The following SLC20A2 variants were observed in gnomAD, a reference collection of about 807,000 sequenced individuals.
SLC20A2 encodes sodium-dependent phosphate transporter 2.
A neutral mutation model predicts 61.0 loss-of-function variants in SLC20A2; 30 were observed. The ratio of observed to expected loss-of-function variants is 0.49; its 90% CI spans 0.37 to 0.67. The LOEUF (loss-of-function observed/expected upper bound fraction) is 0.67, where lower values mean the gene tolerates loss of function less well. Ranked by LOEUF, SLC20A2 falls within the 30% of genes least tolerant of loss-of-function variation. The probability of loss-of-function intolerance (pLI) is 0.00; values close to 1 mark genes in which losing one functional copy is unlikely to be tolerated. For synonymous variants in SLC20A2, 351 were observed against 353.3 expected (o/e 0.99, Z 0.07); for missense variants, 626 against 866.4 (o/e 0.72, Z 3.48).
chr8:42,440,062 G>T (rs1463039316), intron 6 of SLC20A2, among the ~76,000 whole-genome samples: 1 of 151,512 alleles, frequency 6.6e-6, no homozygotes, highest in Non-Finnish European at 1.5e-5. Flanking sequence ...TCCAGCCTGG[G>T]TGACAGAGTG....
At chr8:42,532,292 G>C (rs535252015) in intron 1 of SLC20A2, among the ~76,000 whole-genome samples, 27 of 152,256 alleles carry the variant, frequency 1.8e-4, no homozygotes, top group African/African-American at 6.5e-4. Flanking sequence ...TCAGATCTCA[G>C]TCCAATTTCT....
At chr8:42,505,132 G>A (rs760733360), upstream of SLC20A2, among the ~76,000 whole-genome samples, 41 of 149,278 alleles carry the variant, frequency 2.7e-4, no homozygotes, top group South Asian at 6.3e-4. Context: ...TAATTGAGAA[G>A]ATGTCTCACT....
chr8:42,488,934 TG>T lies in SLC20A2; in HGVS notation c.-265+12096del, dbSNP rs141217306. On this transcript the variant is annotated intron_variant, in intron 1 of 10. Transcript: ENST00000520262. ...TTTTGTTTTTGAGTTATAGGAGTTTTGTTTTTTTTTTTTTTTTTTTTTTGAA... is the reference window on the plus strand; with the variant it reads ...TTTTGTTTTTGAGTTATAGGAGTTTTTTTTTTTTTTTTTTTTTTTTTTGAA... Among the ~76,000 whole-genome samples, 1,024 of 140,462 alleles carry T rather than the reference TG, an allele frequency of 7.3e-3. 5 individuals are homozygous for T. The highest frequency in any genetic ancestry group is 0.011 in the Non-Finnish European group (751 of 65,484). 92.1% of individuals were successfully genotyped at this position (140,462 alleles called of 152,430 possible).
intron 3 of SLC20A2, chr8:42,463,418 T>G (rs1232434404): frequency 5.4e-6 from 1 of 186,754 alleles, no homozygotes; most frequent in Non-Finnish European, 1.1e-5. Flanking sequence ...CCTGCCCTTC[T>G]TATCAACACA....
chr8:42,539,718 G>C (rs984354517), intron 1 of SLC20A2, among the ~76,000 whole-genome samples: 1 of 152,072 alleles, frequency 6.6e-6, no homozygotes, highest in African/African-American at 2.4e-5. Context: ...TGGAAAGAGG[G>C]GGCCATTTAA....
At chr8:42,473,381 C>T (rs960116744) in intron 1 of SLC20A2, among the ~76,000 whole-genome samples, 1 of 152,058 alleles carries the variant, frequency 6.6e-6, no homozygotes, top group East Asian at 1.9e-4. Flanking sequence ...CTCTCCCCTC[C>T]CTCACAATGC....
chr8:42,478,212 C>CTTTT lies in SLC20A2; in HGVS notation c.-264-5562_-264-5559dup, dbSNP rs35343530. ...TGGCAATTTCTTTTCTTTTCCTTTT[C>CTTTT]TTTTTTTTTTTTTTTTTGAGATGTA... On this transcript the variant is annotated intron_variant, in intron 1 of 10. Transcript: ENST00000520262. Among the ~76,000 whole-genome samples the CTTTT allele has an allele frequency of 2.7e-4, 34 of 127,532 alleles. 1 individual carries two copies. Among genetic ancestry groups the CTTTT allele is most frequent in the Non-Finnish European group, 4.7e-4 (29 of 61,564 alleles). The allele number at this position is 127,532 out of a possible 152,430, so 83.7% of individuals were successfully genotyped here. A position where few individuals can be genotyped will look rare whatever the true frequency, so the allele number is the denominator to read the frequency against.
chr8:42,432,782 T>C (rs1803960699), intron 8 of SLC20A2, among the ~76,000 whole-genome samples: 1 of 152,252 alleles, frequency 6.6e-6, no homozygotes, highest in Non-Finnish European at 1.5e-5. Flanking sequence ...ACAGGATTGC[T>C]AGCATTATTT....
intron 1 of SLC20A2, among the ~76,000 whole-genome samples, chr8:42,478,613 T>C (rs1252648603): frequency 1.3e-5 from 2 of 152,178 alleles, no homozygotes; most frequent in African/African-American, 4.8e-5. Flanking sequence ...CCCATGTCTA[T>C]ACAGGGAGAG....
upstream of SLC20A2, among the ~76,000 whole-genome samples, chr8:42,505,599 A>C (rs1810633369): frequency 6.6e-6 from 1 of 152,208 alleles, no homozygotes; most frequent in South Asian, 2.1e-4. Flanking sequence ...ATAGCAGTGA[A>C]GTTTCTATTC....
intron 1 of SLC20A2, among the ~76,000 whole-genome samples, chr8:42,490,788 G>A (rs1421224172): frequency 6.6e-6 from 1 of 152,092 alleles, no homozygotes; most frequent in Non-Finnish European, 1.5e-5. Context: ...AAGTCCCTAG[G>A]GACACTTAAC....
At chr8:42,509,725 G>T (rs868238486) in intron 1 of SLC20A2, among the ~76,000 whole-genome samples, 1 of 152,162 alleles carries the variant, frequency 6.6e-6, no homozygotes, top group African/African-American at 2.4e-5. Context: ...ATGCATTCCA[G>T]CCCGGGCAAC....
chr8:42,504,939 AC>A (rs1183234300), upstream of SLC20A2, among the ~76,000 whole-genome samples: 1 of 149,768 alleles, frequency 6.7e-6, no homozygotes, highest in African/African-American at 2.5e-5. Context: ...GAGATGAAAG[AC>A]AAGGTCTCTA....
chr8:42,419,538 G>C (rs1199109853), intron 10 of SLC20A2: 1 of 179,798 alleles, frequency 5.6e-6, no homozygotes, highest in Non-Finnish European at 1.1e-5. Flanking sequence ...AACAGAATGA[G>C]ACTCAGTCTC....
intron 1 of SLC20A2, among the ~76,000 whole-genome samples, chr8:42,496,452 A>G (rs1586206372): frequency 6.6e-6 from 1 of 152,186 alleles, no homozygotes; most frequent in East Asian, 1.9e-4. Context: ...TGGAAGAGAG[A>G]GCAGAGAGAT....
chr8:42,525,806 C>T lies in SLC20A2; in HGVS notation c.-265+16015G>A, dbSNP rs1329877316. ...TTTAAAAAATTAAGATATAAACCCA[C>T]GATGATAGGGATATGGCAAGGGGGC... On this transcript the variant is annotated intron_variant, in intron 1 of 10. Transcript: ENST00000342228. Among the ~76,000 whole-genome samples the T allele has an allele frequency of 7.2e-5, 11 of 152,058 alleles. No homozygotes were observed. The Middle Eastern group carries it at 0.01, about 141-fold the overall frequency.
intron 1 of SLC20A2, among the ~76,000 whole-genome samples, chr8:42,539,424 CA>C (rs1812917947): frequency 6.6e-6 from 1 of 152,296 alleles, no homozygotes; most frequent in South Asian, 2.1e-4. Context: ...TAAATCCAAT[CA>C]AAAAACTTAC....
chr8:42,537,800 G>C (rs1812803994), intron 1 of SLC20A2: 1 of 152,068 alleles, frequency 6.6e-6, no homozygotes, highest in Non-Finnish European at 1.5e-5. Flanking sequence ...AATCTCTTAC[G>C]CTACTTTGAA....
chr8:42,538,624 C>T (rs1812862434), intron 1 of SLC20A2, among the ~76,000 whole-genome samples: 2 of 152,092 alleles, frequency 1.3e-5, no homozygotes. Context: ...CTGTTCTAGG[C>T]CCCAGAAAAA....
Sources: allele counts gnomAD v4.1 joint callset (sites outside exome capture counted in the v4.1 genomes callset), GRCh38; gene constraint gnomAD v4.1.1; transcripts MANE v1.5; gene names NCBI Gene and HGNC (gene_info 2026-07-23, HGNC 2026-07-21).